ZNF704: variants seen among roughly 807,000 people sequenced by gnomAD.
ZNF704 encodes the protein glucocorticoid induced gene 1.
A neutral mutation model predicts 44.7 loss-of-function variants in ZNF704; 10 were observed. The observed-to-expected ratio is 0.22, with a 90% CI of 0.14 to 0.38. The LOEUF is 0.38. Among genes scored for constraint, ZNF704 ranks in the 10% least tolerant of loss-of-function variants. ZNF704 has a pLI of 1.00. For missense variants in ZNF704, 390 were observed against 545.5 expected, an observed-to-expected ratio of 0.71 and a Z score of 2.84; for synonymous variants, 211 against 207.6, an observed-to-expected ratio of 1.02 and a Z score of -0.14.
chr8:80,820,681 G>A (rs901236752), intron 2 of ZNF704, among the ~76,000 whole-genome samples: 6 of 152,008 alleles, frequency 3.9e-5, no homozygotes, highest in African/African-American at 7.3e-5. Context: ...TGGGAGAATC[G>A]CTTGAGCTCA....
chr8:80,752,314 G>GAA (rs147678090), intron 2 of ZNF704, among the ~76,000 whole-genome samples: 92 of 146,310 alleles, frequency 6.3e-4, no homozygotes, highest in Middle Eastern at 3.4e-3. Context: ...AGATAAAAAG[G>GAA]AAAAAAAAAA....
At chr8:80,867,774 A>G (rs1809181816) in intron 1 of ZNF704, among the ~76,000 whole-genome samples, 1 of 152,242 alleles carries the variant, frequency 6.6e-6, no homozygotes. Context: ...AGTCTAATAG[A>G]CGTGTTAACC....
At chr8:80,786,295 C>G (rs1807613212) in intron 2 of ZNF704, among the ~76,000 whole-genome samples, 1 of 152,168 alleles carries the variant, frequency 6.6e-6, no homozygotes, top group South Asian at 2.1e-4. Context: ...CACTTACAGT[C>G]CCTCTTCATG....
Position 80,682,022 on chromosome 8 carries a change from A to C in ZNF704, c.558+5204T>G, listed in dbSNP as rs566948585. On this transcript the variant is annotated intron_variant, in intron 4 of 8. Transcript: ENST00000327835. ...ACCATGAAATCCATGCAGTTGATCC[A>C]AGCTGCTGTTCTTAGCATCGCCCTC... Among the ~76,000 whole-genome samples the C allele has an allele frequency of 2.6e-5, 4 of 152,318 alleles. No individual in the cohort carries two copies. In the East Asian group the frequency reaches 5.8e-4, roughly 22 times the overall value.
At chr8:80,735,705 A>AT (rs1333469491) in intron 2 of ZNF704, among the ~76,000 whole-genome samples, 1 of 151,930 alleles carries the variant, frequency 6.6e-6, no homozygotes, top group African/African-American at 2.4e-5. Flanking sequence ...CACATAGATT[A>AT]TTTTTTTTCC....
chr8:80,767,293 C>T (rs1807243761), intron 2 of ZNF704, among the ~76,000 whole-genome samples: 1 of 151,308 alleles, frequency 6.6e-6, no homozygotes, highest in Non-Finnish European at 1.5e-5. Flanking sequence ...TTTGATTTCA[C>T]CCATTAAAGT....
rs1275335548 is a variant in ZNF704, at chr8:80,664,941, A to G, written c.801T>C (p.Thr267=). ...TTCGGCTTGAATCTGGGATGGGGAA[A>G]GTAGGAGGTGAAGCCAGGGACTGGG... is the stretch of plus-strand genomic sequence containing the variant. ...SPSQSLASPP[T]FPIPDSSRTE... is the part of the protein sequence containing the mutation. The change falls in exon 6 of 9, where the codon ACT becomes ACC. Residue 267 remains threonine, a synonymous_variant. Transcript: ENST00000327835. The G allele has an allele frequency of 6.2e-7, 1 of 1,614,076 alleles. No homozygotes were observed. Among genetic ancestry groups the G allele is most frequent in the Admixed American group, 1.7e-5 (1 of 59,994 alleles).
chr8:80,756,885 G>C (rs569314203), intron 2 of ZNF704, among the ~76,000 whole-genome samples: 1 of 152,308 alleles, frequency 6.6e-6, no homozygotes, highest in Non-Finnish European at 1.5e-5. Context: ...AGGCACACGG[G>C]CAATTAGGCA....
rs1817654528 is a variant in ZNF704 at position 80,635,719 on chromosome 8, A to G, written c.*5647T>C. Reference sequence around the variant, plus strand: ...AAGCATACCTGTTAACACTTTTTAGATTTAAAATATATAAAATGACTCTTC... The same window carrying G: ...AAGCATACCTGTTAACACTTTTTAGGTTTAAAATATATAAAATGACTCTTC... On this transcript the variant is annotated 3_prime_UTR_variant, in exon 9 of 9. Transcript: ENST00000327835. The G allele has an allele frequency of 6.6e-6, 1 of 152,200 alleles. No individual in the cohort carries two copies. Among genetic ancestry groups the G allele is most frequent in the South Asian group, 2.1e-4 (1 of 4,830 alleles). The allele number at this position is 152,200 out of a possible 1,614,324, so 9.4% of individuals were successfully genotyped here. A position where few individuals can be genotyped will look rare whatever the true frequency, so the allele number is the denominator to read the frequency against.
chr8:80,795,122 C>G (rs1807776522), intron 2 of ZNF704, among the ~76,000 whole-genome samples: 1 of 152,136 alleles, frequency 6.6e-6, no homozygotes, highest in Non-Finnish European at 1.5e-5. Flanking sequence ...AGCGCACACA[C>G]AGAGCTTAGA....
chr8:80,698,902 G>A (rs960046406), intron 2 of ZNF704, among the ~76,000 whole-genome samples: 2 of 152,138 alleles, frequency 1.3e-5, no homozygotes, highest in African/African-American at 4.8e-5. Flanking sequence ...CCTGAATACT[G>A]CCTGCTTGGA....
At chr8:80,733,569 T>C (rs1329046923) in intron 2 of ZNF704, among the ~76,000 whole-genome samples, 1 of 152,204 alleles carries the variant, frequency 6.6e-6, no homozygotes, top group African/African-American at 2.4e-5. Flanking sequence ...TAGCCAGCCA[T>C]GTCTCAATCC....
chr8:80,849,547 A>AAAGG (rs1312168674), intron 1 of ZNF704, among the ~76,000 whole-genome samples: 1 of 152,244 alleles, frequency 6.6e-6, no homozygotes, highest in African/African-American at 2.4e-5. Context: ...TCCATGGCTC[A>AAAGG]AAGGTGACAA....
intron 8 of ZNF704, among the ~76,000 whole-genome samples, chr8:80,642,772 G>A (rs1817763501): frequency 6.6e-6 from 1 of 151,992 alleles, no homozygotes; most frequent in Non-Finnish European, 1.5e-5. Flanking sequence ...GCTCCAAATA[G>A]ACCCAATAAT....
intron 1 of ZNF704, among the ~76,000 whole-genome samples, chr8:80,867,500 G>T (rs1270787663): frequency 6.6e-6 from 1 of 151,960 alleles, no homozygotes; most frequent in East Asian, 1.9e-4. Flanking sequence ...GCCCCAGATG[G>T]ACCAGGCATA....
intron 2 of ZNF704, among the ~76,000 whole-genome samples, chr8:80,780,190 T>G (rs919838300): frequency 2.0e-5 from 3 of 151,844 alleles, no homozygotes; most frequent in Non-Finnish European, 2.9e-5. Context: ...GAGGGCAAGG[T>G]ACATGGAGGG....
intron 2 of ZNF704, among the ~76,000 whole-genome samples, chr8:80,795,443 A>G (rs1455620416): frequency 6.6e-6 from 1 of 152,240 alleles, no homozygotes; most frequent in East Asian, 1.9e-4. Flanking sequence ...TTCTATTTTA[A>G]TAACTGAACC....
chr8:80,750,641 G>T (rs556110826), intron 2 of ZNF704, among the ~76,000 whole-genome samples: 1 of 151,702 alleles, frequency 6.6e-6, no homozygotes, highest in African/African-American at 2.4e-5. Flanking sequence ...TCAGCCTCCC[G>T]AGTAGCTGGG....
At chr8:80,700,438 A>G (rs747679780) in intron 2 of ZNF704, among the ~76,000 whole-genome samples, 1 of 152,206 alleles carries the variant, frequency 6.6e-6, no homozygotes, top group Non-Finnish European at 1.5e-5. Flanking sequence ...TGACAATAAT[A>G]CAGACCTTAG....
Sources: gnomAD v4.1 joint callset for allele counts (sites outside exome capture counted in the v4.1 genomes callset) on GRCh38, gnomAD v4.1.1 for gene constraint, MANE v1.5 for transcripts, NCBI Gene and HGNC (gene_info 2026-07-23, HGNC 2026-07-21) for gene names.